The following EYS variants were observed in gnomAD, a reference collection of about 807,000 sequenced individuals.
EYS encodes protein eyes shut homolog.
In EYS, 250 loss-of-function variants were observed where a neutral mutation model predicts 282.1. The observed-to-expected ratio is 0.89, with a 90% CI of 0.80 to 0.98. EYS has a LOEUF of 0.98. Among genes scored for constraint, EYS ranks in the 50% least tolerant of loss-of-function variants. The pLI is 0.00. For missense variants in EYS, 4,016 were observed against 3,709.0 expected (o/e 1.08, Z -2.15); for synonymous variants, 1,355 against 1,282.9 (o/e 1.06, Z -1.20).
At chr6:64,739,195 G>A (rs1362934472) in intron 22 of EYS, among the ~76,000 whole-genome samples, 59 of 152,156 alleles carry the variant, frequency 3.9e-4, no homozygotes, top group Non-Finnish European at 3.5e-4. Flanking sequence ...AATCATTTCA[G>A]TCACATCTCA....
At chr6:65,440,377 TAA>T (rs34301256) in intron 5 of EYS, among the ~76,000 whole-genome samples, 27,570 of 143,250 alleles carry the variant, frequency 0.19, 3,118 homozygotes, top group Middle Eastern at 0.31. Context: ...CAACCTTCAA[TAA>T]AAAAAAAAAA....
chr6:64,686,669 A>T (rs901783724), intron 22 of EYS, among the ~76,000 whole-genome samples: 1 of 147,286 alleles, frequency 6.8e-6, no homozygotes, highest in Admixed American at 6.9e-5. Context: ...TGAATCCAGG[A>T]AGCGGGAGCT....
At chr6:65,604,400 T>C (rs1331717804) in intron 2 of EYS, among the ~76,000 whole-genome samples, 1 of 151,818 alleles carries the variant, frequency 6.6e-6, no homozygotes, top group Admixed American at 6.6e-5. Context: ...AAAGGGAAAA[T>C]TCACACGATT....
intron 39 of EYS, among the ~76,000 whole-genome samples, chr6:63,784,577 C>G (rs934661069): frequency 1.3e-5 from 2 of 152,046 alleles, no homozygotes; most frequent in African/African-American, 2.4e-5. Flanking sequence ...GGAGGTATGT[C>G]TTACATGGCT....
At chr6:65,404,529 T>G (rs531282178) in intron 6 of EYS, among the ~76,000 whole-genome samples, 1 of 152,150 alleles carries the variant, frequency 6.6e-6, no homozygotes, top group African/African-American at 2.4e-5. Flanking sequence ...CTCCAAATAT[T>G]TGGGTCTAGT....
intron 12 of EYS, among the ~76,000 whole-genome samples, chr6:65,283,375 A>C (rs2150277128): frequency 6.6e-6 from 1 of 152,064 alleles, no homozygotes; most frequent in Non-Finnish European, 1.5e-5. Context: ...GTTTATATGG[A>C]TTAGAAATTA....
intron 12 of EYS, among the ~76,000 whole-genome samples, chr6:65,089,593 G>A (rs370681400): frequency 1.7e-3 from 259 of 152,204 alleles, no homozygotes; most frequent in African/African-American, 6.0e-3. Context: ...ATAAGTGGAA[G>A]GGACTTTGCT....
At chr6:64,105,686 A>C (rs539024899) in intron 31 of EYS, among the ~76,000 whole-genome samples, 10 of 152,220 alleles carry the variant, frequency 6.6e-5, no homozygotes, top group African/African-American at 2.4e-4. Flanking sequence ...GAACTTATAC[A>C]ATAGGTAGAC....
chr6:64,105,309 T>A (rs1478133435), intron 31 of EYS, among the ~76,000 whole-genome samples: 2 of 152,126 alleles, frequency 1.3e-5, no homozygotes, highest in Admixed American at 6.6e-5. Context: ...TAATAAACTT[T>A]ATTTATTAGA....
chr6:63,775,314 G>C (rs919812511), intron 40 of EYS, among the ~76,000 whole-genome samples: 1 of 152,114 alleles, frequency 6.6e-6, no homozygotes, highest in African/African-American at 2.4e-5. Flanking sequence ...TAAGAGGAAG[G>C]GAGCTAAAGG....
chr6:64,272,963 C>A (rs1208505604), intron 30 of EYS, among the ~76,000 whole-genome samples: 1 of 152,050 alleles, frequency 6.6e-6, no homozygotes, highest in African/African-American at 2.4e-5. Context: ...ACTAAAATAT[C>A]TTATTCATTC....
intron 12 of EYS, among the ~76,000 whole-genome samples, chr6:65,091,683 A>G (rs1016241180): frequency 6.6e-6 from 1 of 152,044 alleles, no homozygotes; most frequent in African/African-American, 2.4e-5. Context: ...GTGTAAGGGG[A>G]ATGGCTGTGG....
chr6:64,526,092 T>C (rs994148191), intron 26 of EYS, among the ~76,000 whole-genome samples: 1 of 151,882 alleles, frequency 6.6e-6, no homozygotes, highest in Non-Finnish European at 1.5e-5. Context: ...CCTAAAAGGT[T>C]ACATATTGTA....
At chr6:65,093,692 G>C (rs148005084) in intron 12 of EYS, among the ~76,000 whole-genome samples, 4 of 151,780 alleles carry the variant, frequency 2.6e-5, no homozygotes, top group African/African-American at 9.6e-5. Context: ...TCCACAAGAA[G>C]ATGGCAAGGG....
chr6:65,323,836 A>T (rs937583868), intron 11 of EYS, among the ~76,000 whole-genome samples: 2 of 145,994 alleles, frequency 1.4e-5, no homozygotes, highest in African/African-American at 5.1e-5. Context: ...CATAAAGCAG[A>T]TCATGTCATT....
chr6:64,418,860 T>A (rs566396725), intron 28 of EYS, among the ~76,000 whole-genome samples: 1 of 152,118 alleles, frequency 6.6e-6, no homozygotes, highest in South Asian at 2.1e-4. Flanking sequence ...TAGATTTATA[T>A]TGTGATTTGA....
chr6:65,278,740 A>C (rs995552975), intron 12 of EYS, among the ~76,000 whole-genome samples: 10 of 152,186 alleles, frequency 6.6e-5, no homozygotes, highest in African/African-American at 2.2e-4. Flanking sequence ...CTATTGTGCC[A>C]GATGACATGA....
chr6:65,045,449 G>C (rs1395976231), intron 13 of EYS, among the ~76,000 whole-genome samples: 1 of 151,804 alleles, frequency 6.6e-6, no homozygotes, highest in Non-Finnish European at 1.5e-5. Flanking sequence ...TTTGGAGATG[G>C]AGTCTTTGGG....
intron 5 of EYS, among the ~76,000 whole-genome samples, chr6:65,417,484 G>A (rs1008497768): frequency 6.6e-6 from 1 of 151,964 alleles, no homozygotes; most frequent in African/African-American, 2.4e-5. Context: ...CCTATTGCAA[G>A]GAGATTAAAA....
Sources: gnomAD v4.1 joint callset for allele counts (sites outside exome capture counted in the v4.1 genomes callset) on GRCh38, gnomAD v4.1.1 for gene constraint, MANE v1.5 for transcripts, NCBI Gene and HGNC (gene_info 2026-07-23, HGNC 2026-07-21) for gene names.